Variants in EML6 observed in about 807,000 individuals in gnomAD.
EML6 encodes the protein EMAP like 6, also known as echinoderm microtubule-associated protein-like 6.
EML6 carries 154 observed loss-of-function variants against 240.1 expected under a neutral mutation model. That is an observed-to-expected ratio of 0.64 (90% CI 0.56 to 0.73). EML6 has a LOEUF of 0.73. EML6 is among the 30% of genes least tolerant of loss of function. EML6 has a pLI of 0.00. For missense variants in EML6, 2,964 were observed against 2,474.6 expected (o/e 1.20, Z -4.20); for synonymous variants, 1,148 against 899.0 (o/e 1.28, Z -4.95).
rs1484921835 is a variant in EML6 at position 54,960,369 on chromosome 2, G to C, written c.4968+35G>C. The C allele has an allele frequency of 6.1e-6, 9 of 1,476,820 alleles. No homozygotes were observed. The East Asian group carries it at 1.7e-4, about 28-fold the overall frequency. The allele number at this position is 1,476,820 out of a possible 1,614,324, so 91.5% of individuals were successfully genotyped here. A position where few individuals can be genotyped will look rare whatever the true frequency, so the allele number is the denominator to read the frequency against. On this transcript the variant is annotated intron_variant, in intron 35 of 41. Transcript: ENST00000356458. The stretch of plus-strand genomic sequence containing the variant: ...GCCAGCTCCCCTGGGGGCTGGGCCA[G>C]GGAAGGGGGAAGTGTAGGTACCCTC...
At chr2:54,796,524 C>G (rs191267193) in intron 2 of EML6, among the ~76,000 whole-genome samples, 1 of 149,372 alleles carries the variant, frequency 6.7e-6, no homozygotes, top group African/African-American at 2.5e-5. Context: ...TAAATGGAAT[C>G]ATTTTAAGTA....
chr2:54,821,203 G>A (rs926818214), intron 5 of EML6, among the ~76,000 whole-genome samples: 7 of 152,112 alleles, frequency 4.6e-5, no homozygotes, highest in African/African-American at 1.7e-4. Context: ...GTACATTTCT[G>A]TATGAATGAA....
rs937084109 is a variant in EML6, at chr2:54,871,521, C to G, written c.2260C>G (p.His754Asp). 6.4e-7 allele frequency: 1 copy of G among 1,551,016 alleles called. No individual in the cohort carries two copies. The highest frequency in any genetic ancestry group is 1.4e-5 in the African/African-American group (1 of 73,046). The change falls in exon 16 of 42, where the codon CAT becomes GAT. Residue 754 changes from histidine (H) to aspartate (D), a missense_variant. Physicochemically the swap from His to Asp is moderately conservative, Grantham distance 81. Coordinates refer to ENST00000356458, the MANE Select transcript of EML6 (RefSeq NM_001039753.4). Reference sequence around the variant, plus strand: ...TAAGGTTGGAAGAGATGCTGCTATTCATGTGTGGGACACACAAACTCTAAA... The same window carrying G: ...TAAGGTTGGAAGAGATGCTGCTATTGATGTGTGGGACACACAAACTCTAAA... ...TGQVGRDAAI[H>D]VWDTQTLKCL...
chr2:54,751,262 G>C (rs369902583), intron 2 of EML6, among the ~76,000 whole-genome samples: 5 of 152,194 alleles, frequency 3.3e-5, no homozygotes, highest in African/African-American at 1.2e-4. Flanking sequence ...TGGATTACTG[G>C]TGTGGAGGAC....
chr2:54,824,944 AAG>A (rs1343915853), intron 5 of EML6, among the ~76,000 whole-genome samples: 1 of 152,206 alleles, frequency 6.6e-6, no homozygotes, highest in African/African-American at 2.4e-5. Flanking sequence ...GCTTCTCAAA[AAG>A]AGATAATATT....
intron 14 of EML6, chr2:54,867,275 G>A (rs1257832685): frequency 6.4e-6 from 1 of 156,402 alleles, no homozygotes; most frequent in Non-Finnish European, 1.4e-5. Flanking sequence ...AATATTTTCT[G>A]CACATGTGCC....
intron 2 of EML6, among the ~76,000 whole-genome samples, chr2:54,808,380 C>T (rs1670607786): frequency 6.6e-6 from 1 of 152,186 alleles, no homozygotes; most frequent in East Asian, 1.9e-4. Flanking sequence ...CCCAAAGCAG[C>T]AACCTCCCCT....
At chr2:54,740,707 G>C (rs977027335) in intron 2 of EML6, among the ~76,000 whole-genome samples, 4 of 139,122 alleles carry the variant, frequency 2.9e-5, no homozygotes, top group Non-Finnish European at 6.3e-5. Flanking sequence ...GCAGACTCTA[G>C]CTCTTTTTTT....
chr2:54,886,854 G>T (rs1016907968), intron 17 of EML6, among the ~76,000 whole-genome samples: 1 of 152,108 alleles, frequency 6.6e-6, no homozygotes, highest in East Asian at 1.9e-4. Flanking sequence ...AAGTTTTTAG[G>T]CAAGAATGCT....
Position 54,869,978 on chromosome 2 carries a change from C to A in EML6, c.2238+611C>A, listed in dbSNP as rs75829442. On this transcript the variant is annotated intron_variant, in intron 15 of 41. Transcript: ENST00000356458. ...ACTTTATTAAACACAGATGTATTAC[C>A]TTGCTGGCAAAAGAGTAATATTGTC... Among the ~76,000 whole-genome samples, 1,423 of 152,226 alleles carry A rather than the reference C, an allele frequency of 9.3e-3. 37 individuals carry two copies. The highest frequency in any genetic ancestry group is 0.088 in the South Asian group (424 of 4,826).
At chr2:54,927,296 C>A (rs1437769583) in intron 26 of EML6, among the ~76,000 whole-genome samples, 2 of 152,144 alleles carry the variant, frequency 1.3e-5, no homozygotes, top group Non-Finnish European at 2.9e-5. Context: ...AGTCACGAAC[C>A]CTCCTGCACC....
intron 28 of EML6, among the ~76,000 whole-genome samples, chr2:54,932,666 GT>G (rs1160310584): frequency 2.6e-5 from 4 of 152,194 alleles, no homozygotes; most frequent in Admixed American, 2.6e-4. Flanking sequence ...GGAAAGCATA[GT>G]TTTTCAGAGC....
intron 28 of EML6, among the ~76,000 whole-genome samples, chr2:54,946,848 C>G (rs1324632307): frequency 1.3e-5 from 2 of 149,714 alleles, no homozygotes; most frequent in African/African-American, 4.9e-5. Context: ...AGCAATACAG[C>G]TGTAAACATA....
intron 2 of EML6, among the ~76,000 whole-genome samples, chr2:54,775,489 C>T (rs183244302): frequency 2.4e-4 from 36 of 152,342 alleles, no homozygotes; most frequent in African/African-American, 8.4e-4. Context: ...CTCCTAACCT[C>T]ATTGGAGGCC....
At position 54,966,950 on chromosome 2, in the gene EML6, G is replaced by A. The variant is rs374905067; in HGVS notation, c.5494-50G>A. 9 of 1,242,166 alleles carry A rather than the reference G, an allele frequency of 7.2e-6. No homozygotes were observed. In the African/African-American group the frequency reaches 1.0e-4, roughly 14 times the overall value. 76.9% of individuals were successfully genotyped at this position (1,242,166 alleles called of 1,614,324 possible). ...GGGAAACTGTGCCCAAAGGGAGTCT[G>A]TGGGACTGAGAAAGAACGTTGATGA... is the stretch of plus-strand genomic sequence containing the variant. On this transcript the variant is annotated intron_variant, in intron 38 of 41. Coordinates refer to ENST00000356458, the MANE Select transcript of EML6 (RefSeq NM_001039753.4).
At chr2:54,756,841 G>A (rs974399562) in intron 2 of EML6, among the ~76,000 whole-genome samples, 2 of 151,890 alleles carry the variant, frequency 1.3e-5, no homozygotes, top group Admixed American at 1.3e-4. Flanking sequence ...AAACTCCTGA[G>A]TCTCAGTTCT....
chr2:54,848,582 C>G (rs991858925), intron 9 of EML6, among the ~76,000 whole-genome samples: 1 of 148,262 alleles, frequency 6.7e-6, no homozygotes, highest in Non-Finnish European at 1.5e-5. Flanking sequence ...TTATGACATT[C>G]TAGTACACCA....
intron 21 of EML6, among the ~76,000 whole-genome samples, chr2:54,896,200 A>C (rs141911791): frequency 3.3e-5 from 5 of 152,168 alleles, no homozygotes; most frequent in East Asian, 3.9e-4. Context: ...CCAGAATCTC[A>C]TTATCTAAAT....
chr2:54,725,034 GGCGGGGGGCGC>G lies in EML6; in HGVS notation c.-21_-11del. The G allele has an allele frequency of 6.7e-7, 1 of 1,488,270 alleles. No homozygotes were observed. Among genetic ancestry groups the G allele is most frequent in the Non-Finnish European group, 8.9e-7 (1 of 1,119,250 alleles). 92.2% of individuals were successfully genotyped at this position (1,488,270 alleles called of 1,614,324 possible). A position where few individuals can be genotyped will look rare whatever the true frequency, so the allele number is the denominator to read the frequency against. ...CGAGGACGGCCCCGGCGCGCGGGGG[GGCGGGGGGCGC>G]GCGGGGTCGGCTTATCATGGCGGAT... On this transcript the variant is annotated 5_prime_UTR_variant, in exon 2 of 42. Coordinates refer to ENST00000356458, the MANE Select transcript of EML6 (RefSeq NM_001039753.4). This position sits in a 1 kb window ranked among gnomAD's most constrained non-coding sequence, Gnocchi z 4.3.
Sources: gnomAD v4.1 joint callset for allele counts (sites outside exome capture counted in the v4.1 genomes callset) on GRCh38, gnomAD v4.1.1 for gene constraint, Gnocchi (gnomAD v3.1) non-coding constraint, MANE v1.5 for transcripts, NCBI Gene and HGNC (gene_info 2026-07-23, HGNC 2026-07-21) for gene names.